Variants in BPTF observed in about 807,000 individuals in gnomAD.
BPTF encodes the protein bromodomain PHD finger transcription factor, also known as nucleosome-remodeling factor subunit BPTF.
Under a neutral mutation model 292.5 loss-of-function variants are expected in BPTF, and 18 were observed. The ratio of observed to expected loss-of-function variants is 0.06; its 90% CI spans 0.04 to 0.09. The LOEUF (loss-of-function observed/expected upper bound fraction) is 0.09. Among genes scored for constraint, BPTF ranks in the 10% least tolerant of loss-of-function variants. BPTF has a pLI of 1.00. For synonymous variants in BPTF, 1,225 were observed against 1,251.9 expected, an observed-to-expected ratio of 0.98 and a Z score of 0.45; for missense variants, 2,726 against 3,498.7, an observed-to-expected ratio of 0.78 and a Z score of 5.57.
At chr17:67,852,371 C>T (rs2058460435) in intron 1 of BPTF, among the ~76,000 whole-genome samples, 1 of 152,130 alleles carries the variant, frequency 6.6e-6, no homozygotes, top group African/African-American at 2.4e-5. Context: ...CTTTTCCTGT[C>T]CCCCGACTCT....
intron 24 of BPTF, among the ~76,000 whole-genome samples, chr17:67,963,896 A>C (rs1598953571): frequency 6.6e-6 from 1 of 152,346 alleles, no homozygotes; most frequent in East Asian, 1.9e-4. Context: ...TAGGATTTTG[A>C]ACACCCATAT....
intron 17 of BPTF, among the ~76,000 whole-genome samples, chr17:67,931,608 C>T (rs1353396944): frequency 6.6e-6 from 1 of 152,202 alleles, no homozygotes; most frequent in South Asian, 2.1e-4. Flanking sequence ...CCACATTTTC[C>T]TGTGAGCACT....
In BPTF at chr17:67,946,203, G is replaced by C. The variant is rs782087667; in HGVS notation, c.7495G>C (p.Glu2499Gln). The C allele has an allele frequency of 4.3e-6, 7 of 1,614,200 alleles. No individual in the cohort carries two copies. The South Asian group carries it at 7.7e-5, about 18-fold the overall frequency. Residue 2499 changes from glutamate to glutamine, a missense_variant, in exon 21 of 28, where the codon GAG becomes CAG. Transcript: ENST00000306378. ...TACAGTGCAGGCAGCCAGTGTGCAAGAGCAGTTGCAAAGGGTTCAGCAACT... is the reference window on the plus strand; with the variant it reads ...TACAGTGCAGGCAGCCAGTGTGCAACAGCAGTTGCAAAGGGTTCAGCAACT... ...VVTVQAASVQ[E>Q]QLQRVQQLRD...
chr17:67,932,017 C>G lies in BPTF; in HGVS notation c.6257C>G (p.Pro2086Arg), dbSNP rs761851451. 1 of 1,610,784 alleles carries G rather than the reference C, an allele frequency of 6.2e-7. No homozygotes were observed. The highest frequency in any genetic ancestry group is 1.1e-5 in the South Asian group (1 of 90,948). Residue 2086 changes from proline to arginine, a missense_variant and splice_region_variant, in exon 18 of 28, where the codon CCA becomes CGA. Coordinates refer to ENST00000306378, the MANE Select transcript of BPTF (RefSeq NM_182641.4). ...ATTCGAACACCTGTGATGGTACAGC[C>G]AGGTATTTATCCATCCAGCATTATC... ...AIIRTPVMVQ[P>R]GAPQQVMTQI...
rs150415468 is a variant in BPTF, at chr17:67,839,044, T to C, written c.613+12707T>C. 4.0e-4 allele frequency among the ~76,000 whole-genome samples: 61 copies of C among 152,276 alleles called. 1 individual carries two copies. In the East Asian group the frequency reaches 0.011, roughly 28 times the overall value. On this transcript the variant is annotated intron_variant, in intron 1 of 27. Transcript: ENST00000306378. ...GTGTCATCTGCAAAAATGAATCATA[T>C]GTACACATCTGATTTTCTTACATTT... is the stretch of plus-strand genomic sequence containing the variant.
At chr17:67,907,616 A>G (rs1306053917) in intron 9 of BPTF, among the ~76,000 whole-genome samples, 1 of 152,282 alleles carries the variant, frequency 6.6e-6, no homozygotes, top group Non-Finnish European at 1.5e-5. Context: ...TCGGCCTCCC[A>G]AAGTGCTGGG....
At chr17:67,838,729 G>A (rs750698125) in intron 1 of BPTF, among the ~76,000 whole-genome samples, 35 of 152,128 alleles carry the variant, frequency 2.3e-4, no homozygotes, top group Non-Finnish European at 1.6e-4. Context: ...TTCCTCCTTG[G>A]CTTCCCAAAC....
intron 18 of BPTF, among the ~76,000 whole-genome samples, chr17:67,937,639 C>A (rs541910039): frequency 1.4e-4 from 21 of 151,466 alleles, no homozygotes; most frequent in African/African-American, 5.1e-4. Flanking sequence ...AGGAGTGGAC[C>A]TGGTGACATT....
rs1477180564 is a variant in BPTF at position 67,895,987 on chromosome 17, G to A, written c.2543+1822G>A. ...GGCTTTTTTTTTTTTTTTTTGAGAC[G>A]GAGTCTCGCTCTGTCACCCAGGCTG... On this transcript the variant is annotated intron_variant, in intron 7 of 27. Transcript: ENST00000306378. 4.9e-5 allele frequency among the ~76,000 whole-genome samples: 7 copies of A among 142,042 alleles called. No homozygotes were observed. In the East Asian group the frequency reaches 6.2e-4, roughly 13 times the overall value. 93.2% of individuals were successfully genotyped at this position (142,042 alleles called of 152,430 possible). A position where few individuals can be genotyped will look rare whatever the true frequency, so the allele number is the denominator to read the frequency against.
At chr17:67,827,711 T>C (rs1183609671) in intron 1 of BPTF, among the ~76,000 whole-genome samples, 1 of 152,126 alleles carries the variant, frequency 6.6e-6, no homozygotes, top group African/African-American at 2.4e-5. Flanking sequence ...TAAATACTTA[T>C]TGGAGAAGTA....
chr17:67,899,675 C>T lies in BPTF; in HGVS notation c.2544-4114C>T, dbSNP rs547484248. ...CCTCCTGAATAGCTGGTATTATAGGCGTGTGCCACCACGACCAGCTAATTT... is the reference window on the plus strand; with the variant it reads ...CCTCCTGAATAGCTGGTATTATAGGTGTGTGCCACCACGACCAGCTAATTT... On this transcript the variant is annotated intron_variant, in intron 7 of 27. Coordinates refer to ENST00000306378, the MANE Select transcript of BPTF (RefSeq NM_182641.4). Among the ~76,000 whole-genome samples the T allele has an allele frequency of 1.5e-3, 225 of 151,762 alleles. 2 individuals carry two copies. Among genetic ancestry groups the T allele is most frequent in the African/African-American group, 5.2e-3 (214 of 41,404 alleles).
chr17:67,970,092 G>T (rs1555690027), intron 26 of BPTF, among the ~76,000 whole-genome samples: 1 of 152,070 alleles, frequency 6.6e-6, no homozygotes, highest in African/African-American at 2.4e-5. Flanking sequence ...AAGTAGCCAG[G>T]CGTGGTGGCA....
At chr17:67,951,756 A>G (rs2066381846) in intron 23 of BPTF, 1 of 152,166 alleles carries the variant, frequency 6.6e-6, no homozygotes, top group Admixed American at 6.6e-5. Context: ...AAGAAAAGTT[A>G]TACTTTGAGA....
chr17:67,953,956 C>CTTTTCT (rs2066649881), intron 23 of BPTF, among the ~76,000 whole-genome samples: 1 of 53,322 alleles, frequency 1.9e-5, no homozygotes, highest in African/African-American at 7.4e-5. Flanking sequence ...TTTTTCTTTT[C>CTTTTCT]TTTTCTTTTT....
Position 67,912,321 on chromosome 17 carries a change from C to G in BPTF, c.4437C>G (p.Asn1479Lys), listed in dbSNP as rs2062707851. The change falls in exon 11 of 28, where the codon AAC becomes AAG. Residue 1479 changes from asparagine (N) to lysine (K), a missense_variant. Asn to Lys is a moderately conservative substitution (Grantham distance 94, BLOSUM62 0). Transcript: ENST00000306378. ...TCATGGAAGATTTTAATGAAAGAAA[C>G]AGCTCCGAAACAAAATCGCATTTGC... ...DVIMEDFNER[N>K]SSETKSHLLS... 6.2e-7 allele frequency: 1 copy of G among 1,613,720 alleles called. No individual in the cohort carries two copies. Among genetic ancestry groups the G allele is most frequent in the Non-Finnish European group, 8.5e-7 (1 of 1,179,768 alleles).
At chr17:67,916,302 A>G (rs747989841) in intron 11 of BPTF, among the ~76,000 whole-genome samples, 1 of 152,200 alleles carries the variant, frequency 6.6e-6, no homozygotes, top group Non-Finnish European at 1.5e-5. Context: ...AATGCTGTCA[A>G]TAGAAAGCAT....
rs781715602 is a variant in BPTF at position 67,854,382 on chromosome 17, C to T, written c.1056C>T (p.Tyr352=). 1 of 1,614,010 alleles carries T rather than the reference C, an allele frequency of 6.2e-7. No homozygotes were observed. The highest frequency in any genetic ancestry group is 8.5e-7 in the Non-Finnish European group (1 of 1,180,044). Residue 352 remains tyrosine, a synonymous_variant, in exon 2 of 28, where the codon TAC becomes TAT. Coordinates refer to ENST00000306378, the MANE Select transcript of BPTF (RefSeq NM_182641.4). This position sits in a 1 kb window ranked among gnomAD's most constrained non-coding sequence, Gnocchi z 5.6. ...HVLPYQEAED[Y]PYGPVENKIK... is the part of the protein sequence containing the mutation. ...TTCCTTACCAAGAGGCAGAGGACTA[C>T]CCATATGGACCAGTAGAGAACAAGA... is the stretch of plus-strand genomic sequence containing the variant.
At chr17:67,937,547 T>G (rs1363972967) in intron 18 of BPTF, among the ~76,000 whole-genome samples, 5 of 151,918 alleles carry the variant, frequency 3.3e-5, no homozygotes, top group African/African-American at 1.2e-4. Context: ...CTGAAGGAAA[T>G]GAGAGAGCTG....
At chr17:67,943,598 G>A (rs570311345) in intron 19 of BPTF, among the ~76,000 whole-genome samples, 1 of 152,146 alleles carries the variant, frequency 6.6e-6, no homozygotes, top group East Asian at 1.9e-4. Flanking sequence ...AGGTAATTTG[G>A]CACGTATTGA....
Sources: gnomAD v4.1 joint callset for allele counts (sites outside exome capture counted in the v4.1 genomes callset) on GRCh38, gnomAD v4.1.1 for gene constraint, Gnocchi (gnomAD v3.1) non-coding constraint, MANE v1.5 for transcripts, NCBI Gene and HGNC (gene_info 2026-07-23, HGNC 2026-07-21) for gene names.